CCSER1: variants seen among roughly 807,000 people sequenced by gnomAD.
The protein encoded by CCSER1 is serine-rich coiled-coil domain-containing protein 1.
In CCSER1, 41 loss-of-function variants were observed where a neutral mutation model predicts 82.0. The ratio of observed to expected loss-of-function variants is 0.50; its 90% CI spans 0.39 to 0.65. The LOEUF (loss-of-function observed/expected upper bound fraction) is 0.65, where lower values mean the gene tolerates loss of function less well. Ranked by LOEUF, CCSER1 falls within the 30% of genes least tolerant of loss-of-function variation. The pLI, the probability that CCSER1 is intolerant of heterozygous loss-of-function variation, is 0.00. For synonymous variants in CCSER1, 414 were observed against 383.9 expected, an observed-to-expected ratio of 1.08 and a Z score of -0.92; for missense variants, 1,119 against 1,064.2, an observed-to-expected ratio of 1.05 and a Z score of -0.72.
At chr4:90,380,110 G>C (rs1325122356) in intron 3 of CCSER1, among the ~76,000 whole-genome samples, 1 of 152,076 alleles carries the variant, frequency 6.6e-6, no homozygotes, top group Admixed American at 6.6e-5. Flanking sequence ...TTGGGATTAC[G>C]ATTCAACATG....
intron 10 of CCSER1, among the ~76,000 whole-genome samples, chr4:91,381,096 G>A (rs1750854044): frequency 6.6e-6 from 1 of 152,156 alleles, no homozygotes; most frequent in African/African-American, 2.4e-5. Flanking sequence ...CTGGATTATA[G>A]AGCTTCTGCC....
chr4:91,404,335 CA>C lies in CCSER1; in HGVS notation c.2218-194230del, dbSNP rs1005619946. On this transcript the variant is annotated intron_variant, in intron 10 of 10. Coordinates refer to ENST00000509176, the MANE Select transcript of CCSER1 (RefSeq NM_001145065.2). ...AGTCTATCAATTTTGTTGATGTTTT[CA>C]AAAAAACAGATCCTGGATTCCTTGA... is the stretch of plus-strand genomic sequence containing the variant. Among the ~76,000 whole-genome samples the C allele has an allele frequency of 4.6e-5, 7 of 151,678 alleles. No homozygotes were observed. In the South Asian group the frequency reaches 8.3e-4, roughly 18 times the overall value.
chr4:90,354,705 G>A (rs765879155), intron 3 of CCSER1, among the ~76,000 whole-genome samples: 1 of 152,034 alleles, frequency 6.6e-6, no homozygotes, highest in Non-Finnish European at 1.5e-5. Context: ...CTCGTGCTAG[G>A]TATTTTTTAC....
chr4:91,323,331 A>C (rs187643813), intron 10 of CCSER1, among the ~76,000 whole-genome samples: 1 of 151,868 alleles, frequency 6.6e-6, no homozygotes, highest in African/African-American at 2.4e-5. Flanking sequence ...GATTCATAGG[A>C]CTCCTCCTTA....
intron 7 of CCSER1, among the ~76,000 whole-genome samples, chr4:90,784,736 A>G (rs1440965110): frequency 2.0e-5 from 3 of 152,200 alleles, no homozygotes; most frequent in Non-Finnish European, 4.4e-5. Flanking sequence ...ATGCCCCTCA[A>G]CCTTAACTAC....
At chr4:90,523,173 A>G (rs1773344360) in intron 5 of CCSER1, among the ~76,000 whole-genome samples, 1 of 152,156 alleles carries the variant, frequency 6.6e-6, no homozygotes, top group South Asian at 2.1e-4. Flanking sequence ...AATTTACTCA[A>G]TAATTCTTAG....
chr4:91,265,858 A>T (rs1249124595), intron 10 of CCSER1, among the ~76,000 whole-genome samples: 2 of 152,206 alleles, frequency 1.3e-5, no homozygotes, highest in African/African-American at 2.4e-5. Context: ...ACTGATAAAG[A>T]CATACCCAAG....
chr4:91,271,766 G>A (rs1742048026), intron 10 of CCSER1, among the ~76,000 whole-genome samples: 2 of 151,726 alleles, frequency 1.3e-5, no homozygotes, highest in African/African-American at 4.8e-5. Context: ...CCTTTTGTTT[G>A]TTTTTGAGAC....
intron 10 of CCSER1, among the ~76,000 whole-genome samples, chr4:91,450,324 T>C (rs2149418507): frequency 6.6e-6 from 1 of 152,216 alleles, no homozygotes; most frequent in Middle Eastern, 3.4e-3. Context: ...CAAGCATGAC[T>C]TAATGAGACA....
chr4:90,318,259 T>A (rs892944544), intron 3 of CCSER1, among the ~76,000 whole-genome samples: 1 of 152,212 alleles, frequency 6.6e-6, no homozygotes, highest in Non-Finnish European at 1.5e-5. Context: ...TGAACTAAGT[T>A]TACTTTTTTC....
chr4:90,831,078 T>C (rs564711809), intron 8 of CCSER1, among the ~76,000 whole-genome samples: 1 of 152,122 alleles, frequency 6.6e-6, no homozygotes, highest in Admixed American at 6.6e-5. Flanking sequence ...GCACAATTAA[T>C]GAACTATCTC....
chr4:91,080,011 G>A (rs1336539333), intron 9 of CCSER1, among the ~76,000 whole-genome samples: 1 of 152,054 alleles, frequency 6.6e-6, no homozygotes, highest in East Asian at 1.9e-4. Flanking sequence ...AGATCAACAA[G>A]ACAGAAAGTT....
chr4:90,437,578 G>A (rs1759208991), intron 4 of CCSER1, among the ~76,000 whole-genome samples: 2 of 152,084 alleles, frequency 1.3e-5, no homozygotes, highest in South Asian at 2.1e-4. Context: ...AAATTTCCTG[G>A]TTTTGGGAAG....
intron 10 of CCSER1, among the ~76,000 whole-genome samples, chr4:91,408,286 G>A (rs1306309439): frequency 1.3e-5 from 2 of 151,970 alleles, no homozygotes; most frequent in East Asian, 3.9e-4. Flanking sequence ...CTCTGTCTAT[G>A]GAAATAGTAA....
chr4:90,766,788 A>G (rs1475671366), intron 7 of CCSER1, among the ~76,000 whole-genome samples: 2 of 152,132 alleles, frequency 1.3e-5, no homozygotes, highest in Non-Finnish European at 2.9e-5. Flanking sequence ...TTTGGCAATA[A>G]CTCATACATA....
At position 91,178,215 on chromosome 4, in the gene CCSER1, A is replaced by C. The variant is rs371477162; in HGVS notation, c.2217+92221A>C. On this transcript the variant is annotated intron_variant, in intron 10 of 10. Transcript: ENST00000509176. ...TTCTGTTATTTTACATTTGCTGAGG[A>C]GTGCTTTACCTCCAACTATGTGGTC... Among the ~76,000 whole-genome samples the C allele has an allele frequency of 8.5e-5, 13 of 152,228 alleles. No individual in the cohort carries two copies. In the East Asian group the frequency reaches 1.7e-3, roughly 20 times the overall value.
intron 10 of CCSER1, among the ~76,000 whole-genome samples, chr4:91,237,294 A>G (rs1173047301): frequency 1.3e-5 from 2 of 151,796 alleles, no homozygotes; most frequent in African/African-American, 4.8e-5. Flanking sequence ...ATCTGTTATA[A>G]TCAGTGAAAG....
chr4:90,887,989 T>C (rs1018493027), intron 8 of CCSER1, among the ~76,000 whole-genome samples: 1 of 152,150 alleles, frequency 6.6e-6, no homozygotes, highest in African/African-American at 2.4e-5. Flanking sequence ...AAAAATGTAG[T>C]GGGTGCAACG....
At chr4:90,825,839 C>A (rs1410413668) in intron 8 of CCSER1, among the ~76,000 whole-genome samples, 1 of 150,010 alleles carries the variant, frequency 6.7e-6, no homozygotes, top group Non-Finnish European at 1.5e-5. Context: ...AAGCGATTCT[C>A]CTGCCTCAGC....
Sources: allele counts gnomAD v4.1 joint callset (sites outside exome capture counted in the v4.1 genomes callset), GRCh38; gene constraint gnomAD v4.1.1; transcripts MANE v1.5; gene names NCBI Gene and HGNC (gene_info 2026-07-23, HGNC 2026-07-21).